The following KIF18A variants were observed in gnomAD, a reference collection of about 807,000 sequenced individuals.
The protein encoded by KIF18A is kinesin family member 18A.
Under a neutral mutation model 103.3 loss-of-function variants are expected in KIF18A, and 67 were observed. The observed-to-expected ratio is 0.65, with a 90% CI of 0.53 to 0.79. The LOEUF is 0.79. Among genes scored for constraint, KIF18A ranks in the 30% least tolerant of loss-of-function variants. KIF18A has a pLI of 0.00. For missense variants in KIF18A, 1,032 were observed against 1,062.5 expected, an observed-to-expected ratio of 0.97 and a Z score of 0.40; for synonymous variants, 367 against 355.5, an observed-to-expected ratio of 1.03 and a Z score of -0.36.
At chr11:28,022,117 C>G (rs925387456) in intron 16 of KIF18A, among the ~76,000 whole-genome samples, 2 of 152,130 alleles carry the variant, frequency 1.3e-5, no homozygotes, top group South Asian at 4.1e-4. Context: ...ACTAATACCT[C>G]TTTGGCAAGC....
intron 2 of KIF18A, chr11:28,097,300 A>G (rs1195930112): frequency 4.8e-6 from 1 of 208,882 alleles, no homozygotes; most frequent in Non-Finnish European, 9.5e-6. Context: ...CTGTAGGAAA[A>G]GTTATAAATA....
chr11:28,023,417 G>A (rs567165490), intron 16 of KIF18A, among the ~76,000 whole-genome samples: 22 of 152,224 alleles, frequency 1.4e-4, no homozygotes, highest in African/African-American at 5.3e-4. Context: ...CACTTAATTA[G>A]TAACATTAAG....
intron 12 of KIF18A, among the ~76,000 whole-genome samples, chr11:28,061,596 A>C (rs1357547803): frequency 6.6e-6 from 1 of 152,162 alleles, no homozygotes; most frequent in Non-Finnish European, 1.5e-5. Flanking sequence ...GAAAGTATAA[A>C]GAGATTAGTC....
Position 28,021,049 on chromosome 11 carries a change from G to T in KIF18A, c.*151C>A, listed in dbSNP as rs568405173. On this transcript the variant is annotated 3_prime_UTR_variant, in exon 17 of 17. Transcript: ENST00000263181. ...AGAACACAAAAGAAGAAAACAAAGA[G>T]TTTCATTTTTCTGCTTGCTGAAAGT... The T allele has an allele frequency of 1.9e-4, 122 of 628,918 alleles. No homozygotes were observed. The highest frequency in any genetic ancestry group is 2.7e-4 in the Non-Finnish European group (119 of 448,964). 39.0% of individuals were successfully genotyped at this position (628,918 alleles called of 1,614,324 possible).
chr11:28,063,283 T>G lies in KIF18A; in HGVS notation c.1591-767A>C, dbSNP rs1850878701. Among the ~76,000 whole-genome samples the G allele has an allele frequency of 2.6e-5, 4 of 152,044 alleles. No individual in the cohort carries two copies. In the South Asian group the frequency reaches 8.3e-4, roughly 32 times the overall value. ...CTGGATCAGATGATCTCTTCAGTCC[T>G]TTCCAGTTAGAAAATTAAATGATCC... On this transcript the variant is annotated intron_variant, in intron 11 of 16. Coordinates refer to ENST00000263181, the MANE Select transcript of KIF18A (RefSeq NM_031217.4).
chr11:28,047,122 C>T (rs1277631913), intron 13 of KIF18A, among the ~76,000 whole-genome samples: 1 of 144,532 alleles, frequency 6.9e-6, no homozygotes, highest in Admixed American at 6.9e-5. Context: ...TATATATAAT[C>T]ATCCAGCATA....
intron 12 of KIF18A, among the ~76,000 whole-genome samples, chr11:28,061,084 C>A (rs1850851101): frequency 6.6e-6 from 1 of 152,142 alleles, no homozygotes; most frequent in Non-Finnish European, 1.5e-5. Context: ...CCTGTGAGTC[C>A]TCCTAATGAA....
intron 6 of KIF18A, among the ~76,000 whole-genome samples, chr11:28,085,679 C>A (rs576029077): frequency 5.4e-4 from 82 of 152,226 alleles, no homozygotes; most frequent in African/African-American, 1.9e-3. Context: ...CAATAAATAT[C>A]AGCGCGCCCA....
intron 1 of KIF18A, among the ~76,000 whole-genome samples, chr11:28,107,656 T>C (rs1158592371): frequency 6.6e-6 from 1 of 152,156 alleles, no homozygotes; most frequent in Non-Finnish European, 1.5e-5. Flanking sequence ...CCTCGTTTGA[T>C]AGGTAAGCCC....
intron 15 of KIF18A, among the ~76,000 whole-genome samples, chr11:28,025,890 T>A (rs1463630451): frequency 7.2e-5 from 11 of 151,984 alleles, no homozygotes. Flanking sequence ...TCTTCTACTA[T>A]TTTATCTGAA....
intron 9 of KIF18A, 138 bp downstream of exon 9, chr11:28,082,718 A>G (rs766928354): frequency 6.9e-5 from 37 of 534,150 alleles, no homozygotes; most frequent in Non-Finnish European, 1.1e-4. Context: ...GTATGTATGT[A>G]TGTGTGTATA....
intron 7 of KIF18A, among the ~76,000 whole-genome samples, 171 bp from the exon 8 acceptor site, chr11:28,083,414 T>C (rs554183198): frequency 2.0e-5 from 3 of 152,234 alleles, no homozygotes; most frequent in South Asian, 2.1e-4. Context: ...ACATTAATAA[T>C]GTAAATGAAA....
chr11:28,022,930 T>C (rs1850265493), intron 16 of KIF18A, among the ~76,000 whole-genome samples: 1 of 152,182 alleles, frequency 6.6e-6, no homozygotes, highest in South Asian at 2.1e-4. Context: ...ATGTTATCCT[T>C]AGAAAAATTA....
At chr11:28,065,355 G>C (rs1162682393) in intron 11 of KIF18A, among the ~76,000 whole-genome samples, 1 of 151,956 alleles carries the variant, frequency 6.6e-6, no homozygotes, top group African/African-American at 2.4e-5. Flanking sequence ...AAAGAATTGA[G>C]GGTTAGATTT....
At chr11:28,032,907 A>G (rs1294457666) in intron 15 of KIF18A, among the ~76,000 whole-genome samples, 1 of 151,880 alleles carries the variant, frequency 6.6e-6, no homozygotes, top group East Asian at 1.9e-4. Flanking sequence ...AAAGGAAACA[A>G]TCAATAAAGT....
chr11:28,051,301 C>T (rs1850708475), intron 13 of KIF18A, among the ~76,000 whole-genome samples: 1 of 151,514 alleles, frequency 6.6e-6, no homozygotes, highest in South Asian at 2.1e-4. Flanking sequence ...TAAAGTATCA[C>T]ATATTAAAAT....
chr11:28,021,731 C>G (rs899791123), intron 16 of KIF18A, among the ~76,000 whole-genome samples: 3 of 152,142 alleles, frequency 2.0e-5, no homozygotes, highest in Admixed American at 2.0e-4. Context: ...AAGGGCTGAT[C>G]TTAATCCTAT....
chr11:28,030,323 C>A (rs1347354949), intron 15 of KIF18A, among the ~76,000 whole-genome samples: 4 of 151,780 alleles, frequency 2.6e-5, no homozygotes, highest in Non-Finnish European at 4.4e-5. Context: ...GTACTGGTAC[C>A]AAAACAGAGA....
chr11:28,099,051 C>T (rs998988699), intron 1 of KIF18A, among the ~76,000 whole-genome samples: 4 of 152,120 alleles, frequency 2.6e-5, no homozygotes, highest in African/African-American at 4.8e-5. Flanking sequence ...TTCGCTACAA[C>T]ATTATTCACA....
Sources: allele counts gnomAD v4.1 joint callset (sites outside exome capture counted in the v4.1 genomes callset), GRCh38; gene constraint gnomAD v4.1.1; transcripts MANE v1.5; gene names NCBI Gene and HGNC (gene_info 2026-07-23, HGNC 2026-07-21).